MRE11: variants seen among roughly 807,000 people sequenced by gnomAD.
The protein encoded by MRE11 is double-strand break repair protein MRE11.
MRE11 carries 62 observed loss-of-function variants against 91.7 expected under a neutral mutation model. The observed-to-expected ratio is 0.68, with a 90% CI of 0.55 to 0.84. MRE11 has a LOEUF of 0.84. MRE11 is among the 40% of genes least tolerant of loss of function. MRE11 has a pLI of 0.00. For missense variants in MRE11, 796 were observed against 852.9 expected, an observed-to-expected ratio of 0.93 and a Z score of 0.83; for synonymous variants, 273 against 271.4, an observed-to-expected ratio of 1.01 and a Z score of -0.06.
intron 15 of MRE11, among the ~76,000 whole-genome samples, chr11:94,446,170 GAC>G (rs1945924272): frequency 6.6e-6 from 1 of 152,226 alleles, no homozygotes; most frequent in Non-Finnish European, 1.5e-5. Flanking sequence ...CACTTTGGGA[GAC>G]AGAGGCGGGA....
At chr11:94,465,499 G>A (rs1443778357) in intron 10 of MRE11, among the ~76,000 whole-genome samples, 9 of 150,654 alleles carry the variant, frequency 6.0e-5, no homozygotes, top group South Asian at 2.1e-4. Flanking sequence ...GGGTTCAAGC[G>A]ATTCTCACGC....
At position 94,474,034 on chromosome 11, in the gene MRE11, G is replaced by A. The variant is rs902758171; in HGVS notation, c.659+2255C>T. 2.6e-5 allele frequency among the ~76,000 whole-genome samples: 4 copies of A among 151,970 alleles called. No homozygotes were observed. In the South Asian group the frequency reaches 8.3e-4, roughly 31 times the overall value. Reference sequence around the variant, plus strand: ...ATATATAGACATGTATGTATGCATGGGTTACTATATACACATATATCTATT... The same window carrying A: ...ATATATAGACATGTATGTATGCATGAGTTACTATATACACATATATCTATT... On this transcript the variant is annotated intron_variant, in intron 7 of 19. Transcript: ENST00000323929.
At chr11:94,461,595 AAC>A (rs1445108013) in intron 11 of MRE11, among the ~76,000 whole-genome samples, 2 of 152,220 alleles carry the variant, frequency 1.3e-5, no homozygotes, top group African/African-American at 4.8e-5. Flanking sequence ...ACTCCTATTC[AAC>A]ACAGTGTTGG....
chr11:94,492,754 C>A (rs497763), intron 2 of MRE11, 28 bp downstream of exon 2: 1 of 1,613,078 alleles, frequency 6.2e-7, no homozygotes, highest in Non-Finnish European at 8.5e-7. Context: ...CCCCAAATAA[C>A]AAGGGATTCC....
intron 11 of MRE11, among the ~76,000 whole-genome samples, 167 bp from the exon 12 acceptor site, chr11:94,461,203 G>A (rs750053112): frequency 2.0e-5 from 3 of 152,222 alleles, no homozygotes; most frequent in Admixed American, 6.5e-5. Context: ...TAATAGCCAC[G>A]GTCTTTTCCC....
intron 12 of MRE11, among the ~76,000 whole-genome samples, chr11:94,460,020 C>G (rs11020789): frequency 0.13 from 19,106 of 151,980 alleles, 1,386 homozygotes; most frequent in African/African-American, 0.19. Flanking sequence ...CTGAAAAGCA[C>G]AAGAGGGAGG....
intron 9 of MRE11, among the ~76,000 whole-genome samples, chr11:94,468,436 A>C (rs1027353353): frequency 2.0e-5 from 3 of 152,302 alleles, no homozygotes; most frequent in African/African-American, 7.2e-5. Flanking sequence ...TAAGGGTAAA[A>C]CCAAGTTACA....
chr11:94,479,596 G>T, intron 5 of MRE11, 78 bp downstream of exon 5: 2 of 1,236,122 alleles, frequency 1.6e-6, no homozygotes, highest in South Asian at 1.2e-5. Flanking sequence ...ATGAGAAAAA[G>T]GGAAGGCATG....
chr11:94,461,332 A>G (rs1422544640), intron 11 of MRE11, among the ~76,000 whole-genome samples: 1 of 152,198 alleles, frequency 6.6e-6, no homozygotes, highest in Non-Finnish European at 1.5e-5. Flanking sequence ...AACGTCAAAA[A>G]TACTTTCATA....
rs587781440 is a variant in MRE11 at position 94,467,830 on chromosome 11, G to C, written c.1081C>G (p.Pro361Ala). ...GGACTTACTCGCAGTCGTACAAGAG[G>C]CTTCTCTGGCTGGTGAGAATTACCC... is the stretch of plus-strand genomic sequence containing the variant. ...RLGNSHQPEK[P>A]LVRLRVDYSG... Residue 361 changes from proline (P) to alanine (A), a missense_variant, in exon 10 of 20, where the codon CCT (proline) becomes GCT (alanine). Coordinates refer to ENST00000323929, the MANE Select transcript of MRE11 (RefSeq NM_005591.4). 1.9e-6 allele frequency: 3 copies of C among 1,613,104 alleles called. No individual in the cohort carries two copies. The highest frequency in any genetic ancestry group is 2.5e-6 in the Non-Finnish European group (3 of 1,179,360).
rs1222130330 is a variant in MRE11 at position 94,470,580 on chromosome 11, G to A, written c.908C>T (p.Thr303Ile). ...KMNMHKIPLH[T>I]VRQFFMEDIV... ...ATCCTCCATGAAAAACTGCCGCACT[G>A]TGTGAAGAGGAATTTTATGCATATT... The change falls in exon 9 of 20, where the codon ACA becomes ATA. Residue 303 changes from threonine to isoleucine, a missense_variant. Thr to Ile is a moderately conservative substitution (Grantham distance 89). Coordinates refer to ENST00000323929, the MANE Select transcript of MRE11 (RefSeq NM_005591.4). 6 of 1,613,274 alleles carry A rather than the reference G, an allele frequency of 3.7e-6. No individual in the cohort carries two copies. Among genetic ancestry groups the A allele is most frequent in the Admixed American group, 3.3e-5 (2 of 59,960 alleles).
chr11:94,439,532 G>A (rs1184579968), intron 16 of MRE11, among the ~76,000 whole-genome samples: 1 of 152,080 alleles, frequency 6.6e-6, no homozygotes, highest in Admixed American at 6.5e-5. Flanking sequence ...TTTTTACCAG[G>A]TGCTGTGATC....
rs185274937 is a variant in MRE11, at chr11:94,452,165, C to G, written c.1563+4111G>C. On this transcript the variant is annotated intron_variant, in intron 14 of 19. Coordinates refer to ENST00000323929, the MANE Select transcript of MRE11 (RefSeq NM_005591.4). The stretch of plus-strand genomic sequence containing the variant: ...TGAGCTGAGATCACACCACTGCACT[C>G]CAGCCTGGGTGACAGAGTGAGACTT... Among the ~76,000 whole-genome samples the G allele has an allele frequency of 5.6e-3, 828 of 148,992 alleles. 4 individuals carry two copies. The highest frequency in any genetic ancestry group is 0.019 in the African/African-American group (748 of 40,296).
intron 8 of MRE11, 38 bp downstream of exon 8, chr11:94,471,536 G>T (rs1946710682): frequency 1.3e-6 from 2 of 1,596,844 alleles, no homozygotes; most frequent in African/African-American, 2.7e-5. Flanking sequence ...TTATAGCAAA[G>T]ATTTCTTAAA....
In MRE11 at chr11:94,459,490, A is replaced by G. The variant is rs771843497; in HGVS notation, c.1418T>C (p.Leu473Ser). The G allele has an allele frequency of 1.4e-5, 22 of 1,613,954 alleles. No homozygotes were observed. The East Asian group carries it at 3.3e-4, about 25-fold the overall frequency. The change falls in exon 13 of 20, where the codon TTA becomes TCA. Residue 473 changes from leucine to serine, a missense_variant. By Grantham distance (145) the Leu-to-Ser change is moderately radical. Transcript: ENST00000323929. ...DKEEKDAIEE[L>S]VKYQLEKTQR... Reference sequence around the variant, plus strand: ...TGTTTTTTCCAACTGGTATTTCACTAATTCCTCAATGGCATCTTTCTCCTC... The same window carrying G: ...TGTTTTTTCCAACTGGTATTTCACTGATTCCTCAATGGCATCTTTCTCCTC...
At chr11:94,426,444 CAAATTAACAATTTG>C (rs1945318157) in intron 19 of MRE11, among the ~76,000 whole-genome samples, 2 of 150,718 alleles carry the variant, frequency 1.3e-5, no homozygotes, top group Admixed American at 6.6e-5. Context: ...TAATTTAAAT[CAAATTAACAATTTG>C]TTAATTTAAA....
Position 94,459,588 on chromosome 11 carries a change from G to A in MRE11, c.1327-7C>T, listed in dbSNP as rs756302433. 6.8e-6 allele frequency: 11 copies of A among 1,612,758 alleles called. No homozygotes were observed. In the South Asian group the frequency reaches 9.9e-5, roughly 14 times the overall value. On this transcript the variant is annotated splice_region_variant and splice_polypyrimidine_tract_variant and intron_variant, in intron 12 of 19. Transcript: ENST00000323929. ...GCAGTGAGAGCTGCACATTCTGTAA[G>A]ATACAAATCACTGGATGCAGAAATA... is the stretch of plus-strand genomic sequence containing the variant.
At chr11:94,464,887 C>A (rs970668574) in intron 10 of MRE11, among the ~76,000 whole-genome samples, 1 of 152,170 alleles carries the variant, frequency 6.6e-6, no homozygotes, top group Admixed American at 6.5e-5. Flanking sequence ...TCCCAAAGTA[C>A]GCTATGGGGA....
At position 94,492,871 on chromosome 11, in the gene MRE11, G is replaced by T; in HGVS notation, c.-70C>A. On this transcript the variant is annotated 5_prime_UTR_variant, in exon 2 of 20. Transcript: ENST00000323929. The stretch of plus-strand genomic sequence containing the variant: ...GAACCCCTGGGTACTGTACTCAAAT[G>T]TCAGAAAATGCACTCGATTCCAAAT... The T allele has an allele frequency of 2.2e-6, 3 of 1,387,450 alleles. No homozygotes were observed. Among genetic ancestry groups the T allele is most frequent in the Non-Finnish European group, 2.0e-6 (2 of 988,664 alleles). 85.9% of individuals were successfully genotyped at this position (1,387,450 alleles called of 1,614,324 possible).
Sources: gnomAD v4.1 joint callset for allele counts (sites outside exome capture counted in the v4.1 genomes callset) on GRCh38, gnomAD v4.1.1 for gene constraint, MANE v1.5 for transcripts, NCBI Gene and HGNC (gene_info 2026-07-23, HGNC 2026-07-21) for gene names.